Variants in TRPC4 observed in about 807,000 individuals in gnomAD.
The protein encoded by TRPC4 is transient receptor potential cation channel subfamily C member 4, also known as short transient receptor potential channel 4.
In TRPC4, 49 loss-of-function variants were observed where a neutral mutation model predicts 99.4. The ratio of observed to expected loss-of-function variants is 0.49; its 90% CI spans 0.39 to 0.63. The LOEUF (loss-of-function observed/expected upper bound fraction) is 0.63, where lower values mean the gene tolerates loss of function less well. TRPC4 is among the 20% of genes least tolerant of loss of function. The probability of loss-of-function intolerance (pLI) is 0.00; values close to 1 mark genes in which losing one functional copy is unlikely to be tolerated. For missense variants in TRPC4, 898 were observed against 1,152.9 expected, an observed-to-expected ratio of 0.78 and a Z score of 3.20; for synonymous variants, 454 against 425.9, an observed-to-expected ratio of 1.07 and a Z score of -0.81.
chr13:37,843,621 TC>T (rs1958802257), intron 1 of TRPC4, among the ~76,000 whole-genome samples: 1 of 152,094 alleles, frequency 6.6e-6, no homozygotes, highest in Non-Finnish European at 1.5e-5. Flanking sequence ...AAAAATGATT[TC>T]AGTCCTGAGG....
intron 2 of TRPC4, among the ~76,000 whole-genome samples, chr13:37,748,114 T>TG (rs1955835909): frequency 1.3e-5 from 2 of 152,148 alleles, no homozygotes; most frequent in South Asian, 4.1e-4. Flanking sequence ...TTACAACTTA[T>TG]GTATTATTTC....
At position 37,641,044 on chromosome 13, in the gene TRPC4, A is replaced by C. The variant is rs1951700258; in HGVS notation, c.2080-1745T>G. 2.0e-5 allele frequency among the ~76,000 whole-genome samples: 3 copies of C among 152,186 alleles called. No homozygotes were observed. The South Asian group carries it at 6.2e-4, about 31-fold the overall frequency. On this transcript the variant is annotated intron_variant, in intron 8 of 10. Coordinates refer to ENST00000379705, the MANE Select transcript of TRPC4 (RefSeq NM_016179.4). Reference sequence around the variant, plus strand: ...TTTAACTTTAAATTTCTTTAACATCAAACTACAATTGAGGATGACAGAATC... The same window carrying C: ...TTTAACTTTAAATTTCTTTAACATCCAACTACAATTGAGGATGACAGAATC...
chr13:37,651,063 C>T (rs1001344699), intron 8 of TRPC4, among the ~76,000 whole-genome samples: 16 of 152,082 alleles, frequency 1.1e-4, no homozygotes, highest in Non-Finnish European at 2.9e-5. Context: ...TAGTGACTGC[C>T]CTCGATGCAG....
At chr13:37,842,343 C>CAA (rs57428116) in intron 1 of TRPC4, among the ~76,000 whole-genome samples, 310 of 15,584 alleles carry the variant, frequency 0.02, 10 homozygotes, top group Non-Finnish European at 0.029. Flanking sequence ...AGCGTCTAGC[C>CAA]AAAAAAAAAA....
At chr13:37,846,386 T>C (rs941858901) in intron 1 of TRPC4, among the ~76,000 whole-genome samples, 2 of 152,070 alleles carry the variant, frequency 1.3e-5, no homozygotes, top group South Asian at 4.1e-4. Context: ...AATAAATTGC[T>C]AAGAAATACA....
chr13:37,786,299 C>G (rs1956967272), intron 1 of TRPC4, among the ~76,000 whole-genome samples: 1 of 55,794 alleles, frequency 1.8e-5, no homozygotes, highest in Non-Finnish European at 4.0e-5. Context: ...GACACACACA[C>G]ACACACACAC....
intron 2 of TRPC4, among the ~76,000 whole-genome samples, chr13:37,775,788 T>C (rs1956682746): frequency 6.8e-6 from 1 of 146,958 alleles, no homozygotes; most frequent in Admixed American, 7.0e-5. Context: ...GTGGCTTTTT[T>C]GTTTTGTGTT....
At chr13:37,668,312 A>G (rs1952717182) in intron 5 of TRPC4, among the ~76,000 whole-genome samples, 1 of 152,126 alleles carries the variant, frequency 6.6e-6, no homozygotes, top group African/African-American at 2.4e-5. Context: ...TATAATAGAG[A>G]GGTACTTTTG....
At chr13:37,777,508 A>G (rs955146166) in intron 2 of TRPC4, among the ~76,000 whole-genome samples, 1 of 151,874 alleles carries the variant, frequency 6.6e-6, no homozygotes, top group Non-Finnish European at 1.5e-5. Context: ...ACCAGCTCCC[A>G]CCTCTAATAT....
At chr13:37,755,487 G>T (rs1027259575) in intron 2 of TRPC4, among the ~76,000 whole-genome samples, 2 of 151,548 alleles carry the variant, frequency 1.3e-5, no homozygotes, top group Non-Finnish European at 2.9e-5. Flanking sequence ...GCCCAGGCTG[G>T]TCTCAAACTC....
intron 1 of TRPC4, among the ~76,000 whole-genome samples, chr13:37,847,991 T>G (rs183863545): frequency 6.6e-6 from 1 of 152,174 alleles, no homozygotes; most frequent in Non-Finnish European, 1.5e-5. Context: ...TTAATAATAA[T>G]GTATGCTACA....
chr13:37,819,368 A>C (rs1957950341), intron 1 of TRPC4, among the ~76,000 whole-genome samples: 1 of 152,096 alleles, frequency 6.6e-6, no homozygotes, highest in African/African-American at 2.4e-5. Context: ...AATAAAAGAC[A>C]CATGAATGTG....
chr13:37,812,176 CAAAAA>C (rs61607544), intron 1 of TRPC4, among the ~76,000 whole-genome samples: 6 of 55,142 alleles, frequency 1.1e-4, no homozygotes, highest in African/African-American at 3.2e-4. Context: ...GAGACTCTAT[CAAAAA>C]AAAAAAAAAA....
chr13:37,781,055 G>T (rs1956825964), intron 2 of TRPC4, among the ~76,000 whole-genome samples: 1 of 151,878 alleles, frequency 6.6e-6, no homozygotes, highest in Non-Finnish European at 1.5e-5. Context: ...TACTTGTGAG[G>T]CTAGAGTTTA....
At chr13:37,784,701 T>C (rs1029177616) in intron 1 of TRPC4, among the ~76,000 whole-genome samples, 6 of 152,024 alleles carry the variant, frequency 3.9e-5, no homozygotes, top group African/African-American at 1.4e-4. Flanking sequence ...TTGTATAATG[T>C]TTTAACCATA....
At chr13:37,742,445 A>G (rs1287431939) in intron 3 of TRPC4, among the ~76,000 whole-genome samples, 1 of 152,190 alleles carries the variant, frequency 6.6e-6, no homozygotes, top group Non-Finnish European at 1.5e-5. Context: ...CAGGGGCTAC[A>G]GTATGACTGG....
At chr13:37,739,064 T>G (rs1955499425) in intron 3 of TRPC4, among the ~76,000 whole-genome samples, 1 of 152,100 alleles carries the variant, frequency 6.6e-6, no homozygotes, top group South Asian at 2.1e-4. Context: ...GGCAAGGTGT[T>G]CAACTGGAGA....
intron 4 of TRPC4, among the ~76,000 whole-genome samples, chr13:37,684,415 G>A (rs1299439311): frequency 6.6e-6 from 1 of 152,140 alleles, no homozygotes; most frequent in African/African-American, 2.4e-5. Flanking sequence ...TAAGAGTGAA[G>A]TGTAGAACTT....
chr13:37,650,598 T>TCC (rs2138608140), intron 8 of TRPC4, among the ~76,000 whole-genome samples: 1 of 81,242 alleles, frequency 1.2e-5, no homozygotes, highest in South Asian at 4.6e-4. Context: ...TCTGTCTCTC[T>TCC]CTCTCTCTCT....
Sources: gnomAD v4.1 joint callset for allele counts (sites outside exome capture counted in the v4.1 genomes callset) on GRCh38, gnomAD v4.1.1 for gene constraint, MANE v1.5 for transcripts, NCBI Gene and HGNC (gene_info 2026-07-23, HGNC 2026-07-21) for gene names.